The following ZNF215 variants were observed in gnomAD, a reference collection of about 807,000 sequenced individuals.
The protein encoded by ZNF215 is BWSCR2-associated zinc finger protein 2.
ZNF215 carries 24 observed loss-of-function variants against 27.2 expected under a neutral mutation model. The ratio of observed to expected loss-of-function variants is 0.88; its 90% CI spans 0.64 to 1.24. The LOEUF (loss-of-function observed/expected upper bound fraction) is 1.24. Among genes scored for constraint, ZNF215 ranks in the 50% most tolerant of loss-of-function variants. The probability of loss-of-function intolerance (pLI) is 0.00; values close to 1 mark genes in which losing one functional copy is unlikely to be tolerated. For synonymous variants in ZNF215, 210 were observed against 204.0 expected, an observed-to-expected ratio of 1.03 and a Z score of -0.25; for missense variants, 675 against 605.7, an observed-to-expected ratio of 1.11 and a Z score of -1.20.
At chr11:6,935,329 T>A (rs1849395521) in intron 3 of ZNF215, among the ~76,000 whole-genome samples, 1 of 152,322 alleles carries the variant, frequency 6.6e-6, no homozygotes, top group African/African-American at 2.4e-5. Context: ...GTTAAAAGTG[T>A]CTGAGTGAGT....
intron 3 of ZNF215, among the ~76,000 whole-genome samples, chr11:6,934,064 T>C (rs1590046891): frequency 6.6e-6 from 1 of 152,164 alleles, no homozygotes; most frequent in Non-Finnish European, 1.5e-5. Flanking sequence ...GAATTATCGA[T>C]TGGGGACAGT....
At chr11:6,976,337 A>C (rs1275326483) in intron 5 of ZNF215, among the ~76,000 whole-genome samples, 1 of 152,074 alleles carries the variant, frequency 6.6e-6, no homozygotes, top group African/African-American at 2.4e-5. Flanking sequence ...TTAAAATATG[A>C]AATGTTGACA....
rs183395424 is a variant in ZNF215, at chr11:6,954,827, C to T, written c.713-863C>T. Among the ~76,000 whole-genome samples the T allele has an allele frequency of 4.2e-3, 646 of 152,336 alleles. 2 individuals are homozygous for T. Among genetic ancestry groups the T allele is most frequent in the African/African-American group, 0.012 (519 of 41,574 alleles). Reference sequence around the variant, plus strand: ...TGCAGAAGTCACCCGTCTTCTGCGTCACTCACGCTGGGAGCTGTAGACCGG... The same window carrying T: ...TGCAGAAGTCACCCGTCTTCTGCGTTACTCACGCTGGGAGCTGTAGACCGG... On this transcript the variant is annotated intron_variant, in intron 6 of 6. Coordinates refer to ENST00000278319, the MANE Select transcript of ZNF215 (RefSeq NM_013250.4).
intron 5 of ZNF215, among the ~76,000 whole-genome samples, chr11:6,964,266 T>G (rs1050725106): frequency 1.3e-5 from 2 of 152,032 alleles, no homozygotes; most frequent in African/African-American, 4.8e-5. Context: ...TTTTAAACAG[T>G]GTCTTTCAAA....
At chr11:6,980,212 C>G (rs1850919302) in intron 5 of ZNF215, among the ~76,000 whole-genome samples, 1 of 151,872 alleles carries the variant, frequency 6.6e-6, no homozygotes, top group Non-Finnish European at 1.5e-5. Context: ...CAAAATAATA[C>G]TAAAACTCCA....
In ZNF215 at chr11:6,944,099, C is replaced by A. The variant is rs369853853; in HGVS notation, c.712+458C>A. On this transcript the variant is annotated intron_variant, in intron 6 of 6. Transcript: ENST00000278319. The stretch of plus-strand genomic sequence containing the variant: ...GACCATCCTGGCTAACACCGTTAAA[C>A]CCTGTCTCTACTAAAAAATACAAAA... Among the ~76,000 whole-genome samples the A allele has an allele frequency of 9.2e-5, 14 of 152,232 alleles. No individual in the cohort carries two copies. In the East Asian group the frequency reaches 2.5e-3, roughly 27 times the overall value.
At chr11:6,987,099 G>T (rs1428982663), downstream of ZNF215, among the ~76,000 whole-genome samples, 1 of 152,124 alleles carries the variant, frequency 6.6e-6, no homozygotes, top group Admixed American at 6.6e-5. Flanking sequence ...GTTCATTGCA[G>T]AACTATTCAC....
chr11:6,946,623 T>G (rs1849823951), intron 6 of ZNF215, among the ~76,000 whole-genome samples: 1 of 152,232 alleles, frequency 6.6e-6, no homozygotes, highest in South Asian at 2.1e-4. Context: ...TCCTCAGATC[T>G]CAAATAAGTG....
At chr11:6,958,691 G>T (rs908003187), downstream of ZNF215, among the ~76,000 whole-genome samples, 3 of 152,282 alleles carry the variant, frequency 2.0e-5, no homozygotes, top group South Asian at 4.2e-4. Flanking sequence ...CTGCCTGCAA[G>T]CTGAGGAGCA....
At chr11:6,940,348 G>T (rs1193645418) in intron 3 of ZNF215, among the ~76,000 whole-genome samples, 4 of 152,120 alleles carry the variant, frequency 2.6e-5, no homozygotes, top group African/African-American at 9.7e-5. Context: ...TCTGTCACCA[G>T]GGCTGGAGTG....
chr11:6,928,726 A>AT (rs1564940153), intron 2 of ZNF215, among the ~76,000 whole-genome samples: 1 of 151,808 alleles, frequency 6.6e-6, no homozygotes, highest in South Asian at 2.1e-4. Flanking sequence ...GTGAGCTTTT[A>AT]TTTTTTCTTT....
downstream of ZNF215, among the ~76,000 whole-genome samples, chr11:6,961,016 G>A (rs1400767899): frequency 6.6e-6 from 1 of 152,052 alleles, no homozygotes; most frequent in Admixed American, 6.6e-5. Context: ...GCTCTTTCTG[G>A]TGTTTCCATT....
At position 6,957,374 on chromosome 11, in the gene ZNF215, T is replaced by C. The variant is rs1850403149; in HGVS notation, c.*843T>C. The C allele has an allele frequency of 4.9e-6, 1 of 203,702 alleles. No individual in the cohort carries two copies. The highest frequency in any genetic ancestry group is 6.5e-5 in the Admixed American group (1 of 15,340). The allele number at this position is 203,702 out of a possible 1,614,324, so 12.6% of individuals were successfully genotyped here. The stretch of plus-strand genomic sequence containing the variant: ...CATATCTAAATTATCTCAGTCTGAG[T>C]TTGTGAGGAAGTGTGCCCTGCAGTG... On this transcript the variant is annotated 3_prime_UTR_variant, in exon 7 of 7. Transcript: ENST00000278319.
intron 3 of ZNF215, among the ~76,000 whole-genome samples, chr11:6,937,829 A>T (rs1564948179): frequency 6.6e-6 from 1 of 151,948 alleles, no homozygotes; most frequent in Non-Finnish European, 1.5e-5. Context: ...CTTACCTCAT[A>T]TCATGTACAA....
At chr11:6,943,256 CT>C in intron 5 of ZNF215, 41 bp downstream of exon 5, 1 of 1,576,730 alleles carries the variant, frequency 6.3e-7, no homozygotes, top group Non-Finnish European at 8.6e-7. Context: ...ATTTAGTAAT[CT>C]CTTCCTACCG....
chr11:6,950,739 G>A (rs372735811), intron 6 of ZNF215, among the ~76,000 whole-genome samples: 3 of 150,064 alleles, frequency 2.0e-5, no homozygotes, highest in African/African-American at 7.4e-5. Context: ...TCTCCTGCCT[G>A]ATTGCCCTGG....
chr11:6,940,593 G>GC, intron 3 of ZNF215, among the ~76,000 whole-genome samples: 2 of 152,208 alleles, frequency 1.3e-5, no homozygotes, highest in Non-Finnish European at 2.9e-5. Flanking sequence ...GCAGGTGTGA[G>GC]CCACCAGGCC....
chr11:6,979,669 G>A (rs779982540), intron 5 of ZNF215, among the ~76,000 whole-genome samples: 9 of 151,946 alleles, frequency 5.9e-5, no homozygotes, highest in Non-Finnish European at 1.0e-4. Context: ...TAACTTGGCC[G>A]AATTGATTCT....
intron 5 of ZNF215, among the ~76,000 whole-genome samples, chr11:6,967,242 G>T (rs1193778468): frequency 6.6e-6 from 1 of 152,154 alleles, no homozygotes; most frequent in African/African-American, 2.4e-5. Flanking sequence ...CCAAGTCTTT[G>T]CTATTGTGAA....
Sources: allele counts gnomAD v4.1 joint callset (sites outside exome capture counted in the v4.1 genomes callset), GRCh38; gene constraint gnomAD v4.1.1; transcripts MANE v1.5; gene names NCBI Gene and HGNC (gene_info 2026-07-23, HGNC 2026-07-21).